ANKS1A: variants seen among roughly 807,000 people sequenced by gnomAD.
ANKS1A encodes ankyrin repeat and sterile alpha motif domain containing 1A, also known as ankyrin repeat and SAM domain-containing protein 1A.
Under a neutral mutation model 120.3 loss-of-function variants are expected in ANKS1A, and 55 were observed. The ratio of observed to expected loss-of-function variants is 0.46; its 90% CI spans 0.37 to 0.57. The LOEUF (loss-of-function observed/expected upper bound fraction) is 0.57. Ranked by LOEUF, ANKS1A falls within the 20% of genes least tolerant of loss-of-function variation. ANKS1A has a pLI of 0.00. For synonymous variants in ANKS1A, 590 were observed against 604.7 expected, an observed-to-expected ratio of 0.98 and a Z score of 0.36; for missense variants, 1,123 against 1,480.3, an observed-to-expected ratio of 0.76 and a Z score of 3.96.
At chr6:34,998,106 G>A (rs1387836147) in intron 10 of ANKS1A, among the ~76,000 whole-genome samples, 1 of 152,204 alleles carries the variant, frequency 6.6e-6, no homozygotes, top group Non-Finnish European at 1.5e-5. Flanking sequence ...TTTCTTAGAA[G>A]CCTTGCCTAT....
chr6:34,981,254 A>G (rs1241877476), intron 3 of ANKS1A, among the ~76,000 whole-genome samples: 1 of 152,242 alleles, frequency 6.6e-6, no homozygotes. Flanking sequence ...GTGTAAGGCA[A>G]TGGATGGTTG....
chr6:34,889,286 G>A lies in ANKS1A; in HGVS notation c.-117G>A, dbSNP rs1333463157. On this transcript the variant is annotated 5_prime_UTR_variant, in exon 1 of 24. Coordinates refer to ENST00000360359, the MANE Select transcript of ANKS1A (RefSeq NM_015245.3). The surrounding 1 kb of genome is among the most constrained non-coding windows in gnomAD (Gnocchi z 5.5). ...GCGCTCGTGGGGAAAAGGCAGGGAG[G>A]GGGTGGTGTCCCCAGCCGGTTTGGG... 11 of 1,207,090 alleles carry A rather than the reference G, an allele frequency of 9.1e-6. No individual in the cohort carries two copies. In the African/African-American group the frequency reaches 9.4e-5, roughly 10 times the overall value. The allele number at this position is 1,207,090 out of a possible 1,614,324, so 74.8% of individuals were successfully genotyped here.
chr6:35,029,349 C>CTTTTTTT (rs776256932), intron 11 of ANKS1A, among the ~76,000 whole-genome samples: 2 of 105,768 alleles, frequency 1.9e-5, no homozygotes, highest in Non-Finnish European at 3.8e-5. Flanking sequence ...ATGACTTCTG[C>CTTTTTTT]TTTTTTTTTT....
chr6:34,986,039 G>T (rs1401004361), intron 8 of ANKS1A, among the ~76,000 whole-genome samples: 1 of 152,170 alleles, frequency 6.6e-6, no homozygotes, highest in Non-Finnish European at 1.5e-5. Flanking sequence ...GCCTAGCCTA[G>T]GTTAAATGTG....
intron 1 of ANKS1A, among the ~76,000 whole-genome samples, chr6:34,958,296 C>T (rs1209765818): frequency 6.6e-6 from 1 of 152,172 alleles, no homozygotes; most frequent in Non-Finnish European, 1.5e-5. Context: ...GCCGCCAGTG[C>T]ACCCCAACCT....
intron 13 of ANKS1A, among the ~76,000 whole-genome samples, chr6:35,069,507 C>T (rs1294560171): frequency 6.6e-6 from 1 of 152,032 alleles, no homozygotes; most frequent in Non-Finnish European, 1.5e-5. Context: ...TAGTGCAAGG[C>T]ACTTAGCTAG....
chr6:34,936,270 T>C, intron 1 of ANKS1A, among the ~76,000 whole-genome samples: 1 of 151,954 alleles, frequency 6.6e-6, no homozygotes, highest in East Asian at 1.9e-4. Context: ...GCAGCAGAAG[T>C]AGAAAGACCT....
chr6:34,935,703 T>C (rs957691872), intron 1 of ANKS1A, among the ~76,000 whole-genome samples: 6 of 152,226 alleles, frequency 3.9e-5, no homozygotes, highest in African/African-American at 1.4e-4. Flanking sequence ...ACTTAACGTG[T>C]TCAGCTGCCA....
intron 1 of ANKS1A, among the ~76,000 whole-genome samples, chr6:34,939,561 T>C (rs1166848468): frequency 2.0e-5 from 3 of 152,104 alleles, no homozygotes; most frequent in Non-Finnish European, 4.4e-5. Flanking sequence ...ATAAGAAGTA[T>C]TTGGGGCCAG....
chr6:34,928,216 C>T (rs1768809649), intron 1 of ANKS1A, among the ~76,000 whole-genome samples: 2 of 152,200 alleles, frequency 1.3e-5, no homozygotes, highest in South Asian at 2.1e-4. Flanking sequence ...TATGCATGAA[C>T]CACAGACTTC....
intron 1 of ANKS1A, among the ~76,000 whole-genome samples, chr6:34,910,752 G>A (rs1380455225): frequency 6.6e-6 from 1 of 151,600 alleles, no homozygotes; most frequent in Admixed American, 6.6e-5. Context: ...GTCCAGCTAT[G>A]CAGGTGGCTG....
chr6:34,970,224 C>A (rs1771111547), intron 3 of ANKS1A, 58 bp downstream of exon 3: 2 of 1,533,046 alleles, frequency 1.3e-6, no homozygotes, highest in Admixed American at 4.0e-5. Context: ...TGTGGCAACC[C>A]CATCACCATC....
chr6:34,952,048 GC>G (rs1770115957), intron 1 of ANKS1A, among the ~76,000 whole-genome samples: 1 of 152,138 alleles, frequency 6.6e-6, no homozygotes, highest in South Asian at 2.1e-4. Flanking sequence ...AAGGAAAAAA[GC>G]CATTTCTCAG....
At position 34,983,313 on chromosome 6, in the gene ANKS1A, T is replaced by C. The variant is rs1246336903; in HGVS notation, c.911-11T>C. On this transcript the variant is annotated splice_polypyrimidine_tract_variant and intron_variant, in intron 6 of 23. Transcript: ENST00000360359. ...CACTTTTTATTTTTATTTTTTGATC[T>C]TTCCATGTAGATCACATGACTGGAA... The C allele has an allele frequency of 5.6e-6, 9 of 1,613,374 alleles. No homozygotes were observed. The South Asian group carries it at 8.8e-5, about 16-fold the overall frequency.
At chr6:34,905,026 G>T (rs188033073) in intron 1 of ANKS1A, among the ~76,000 whole-genome samples, 12 of 152,330 alleles carry the variant, frequency 7.9e-5, no homozygotes, top group Non-Finnish European at 1.5e-5. Context: ...GGCCAGGCTG[G>T]TCTTGAACTA....
intron 1 of ANKS1A, among the ~76,000 whole-genome samples, chr6:34,960,823 T>A (rs1770598258): frequency 6.6e-6 from 1 of 152,192 alleles, no homozygotes; most frequent in African/African-American, 2.4e-5. Flanking sequence ...GAAGTTTCCA[T>A]GAATGATTTA....
chr6:35,047,774 T>G (rs1289198042), intron 11 of ANKS1A, among the ~76,000 whole-genome samples: 1 of 152,256 alleles, frequency 6.6e-6, no homozygotes, highest in Non-Finnish European at 1.5e-5. Context: ...AAGATTACTT[T>G]TACATTAGGC....
At chr6:34,924,810 C>T (rs1436708553) in intron 1 of ANKS1A, among the ~76,000 whole-genome samples, 2 of 152,182 alleles carry the variant, frequency 1.3e-5, no homozygotes, top group African/African-American at 4.8e-5. Flanking sequence ...GGCTGGAGTG[C>T]AGTGTGCCAT....
At chr6:34,978,805 CAA>C (rs67799235) in intron 3 of ANKS1A, among the ~76,000 whole-genome samples, 66,056 of 97,666 alleles carry the variant, frequency 0.68, 21,367 homozygotes, top group Non-Finnish European at 0.75. Flanking sequence ...AACTCCGTCT[CAA>C]AAAAAAAAAA....
Sources: gnomAD v4.1 joint callset for allele counts (sites outside exome capture counted in the v4.1 genomes callset) on GRCh38, gnomAD v4.1.1 for gene constraint, Gnocchi (gnomAD v3.1) non-coding constraint, MANE v1.5 for transcripts, NCBI Gene and HGNC (gene_info 2026-07-23, HGNC 2026-07-21) for gene names.